USP53: variants seen among roughly 807,000 people sequenced by gnomAD.
USP53 encodes the protein ubiquitin carboxyl-terminal hydrolase 53.
A neutral mutation model predicts 94.9 loss-of-function variants in USP53; 71 were observed. The observed-to-expected ratio is 0.75, with a 90% CI of 0.62 to 0.91. USP53 has a LOEUF of 0.91. Ranked by LOEUF, USP53 falls within the 40% of genes least tolerant of loss-of-function variation. The pLI is 0.00. For missense variants in USP53, 1,173 were observed against 1,281.0 expected, an observed-to-expected ratio of 0.92 and a Z score of 1.29; for synonymous variants, 375 against 422.7, an observed-to-expected ratio of 0.89 and a Z score of 1.39.
At chr4:119,286,945 C>A (rs372374356) in intron 17 of USP53, among the ~76,000 whole-genome samples, 1 of 151,902 alleles carries the variant, frequency 6.6e-6, no homozygotes, top group East Asian at 1.9e-4. Context: ...TATATTCCTT[C>A]TAGAGAGACT....
At chr4:119,252,989 T>C (rs1749246854) in intron 7 of USP53, among the ~76,000 whole-genome samples, 1 of 152,150 alleles carries the variant, frequency 6.6e-6, no homozygotes, top group South Asian at 2.1e-4. Context: ...ATTTTGTTAG[T>C]TACCCAGTAG....
chr4:119,212,631 G>C (rs879581341), upstream of USP53: 12 of 378,894 alleles, frequency 3.2e-5, 1 homozygote, highest in South Asian at 2.3e-4. Flanking sequence ...TGGCCTGACT[G>C]GTCCCTGGGT....
chr4:119,217,388 C>A (rs1195319386), intron 2 of USP53, among the ~76,000 whole-genome samples, 162 bp from the exon 3 acceptor site: 1 of 152,104 alleles, frequency 6.6e-6, no homozygotes, highest in Non-Finnish European at 1.5e-5. Flanking sequence ...GACCTACCTG[C>A]CAGATGGTAG....
rs371217915 is a variant in USP53, at chr4:119,233,777, A to G, written c.-664-1513A>G. On this transcript the variant is annotated intron_variant, in intron 3 of 18. Coordinates refer to ENST00000692078, the MANE Select transcript of USP53 (RefSeq NM_001371395.1). Reference sequence around the variant, plus strand: ...TTGTTGCCTTTCTTTCATTGTGCTCATACTCTCCAAGTGTCTGGTTATATT... The same window carrying G: ...TTGTTGCCTTTCTTTCATTGTGCTCGTACTCTCCAAGTGTCTGGTTATATT... Among the ~76,000 whole-genome samples, 29 of 152,208 alleles carry G rather than the reference A, an allele frequency of 1.9e-4. No individual in the cohort carries two copies. In the East Asian group the frequency reaches 5.2e-3, roughly 27 times the overall value.
intron 17 of USP53, among the ~76,000 whole-genome samples, chr4:119,275,518 A>T (rs1427624925): frequency 1.4e-5 from 2 of 144,574 alleles, no homozygotes; most frequent in African/African-American, 5.1e-5. Flanking sequence ...GTATAGTTTG[A>T]AGTCAGGTAG....
At chr4:119,281,942 G>C (rs1753556438) in intron 17 of USP53, among the ~76,000 whole-genome samples, 1 of 151,988 alleles carries the variant, frequency 6.6e-6, no homozygotes, top group South Asian at 2.1e-4. Context: ...TTCTCAAACT[G>C]AAGTTCTCTA....
chr4:119,235,838 T>C (rs771492305), intron 4 of USP53, among the ~76,000 whole-genome samples: 8 of 152,174 alleles, frequency 5.3e-5, no homozygotes, highest in Non-Finnish European at 1.0e-4. Context: ...AATGAGACCA[T>C]CGTTCATTAT....
chr4:119,249,856 G>A (rs985866532), intron 7 of USP53, among the ~76,000 whole-genome samples: 1 of 151,850 alleles, frequency 6.6e-6, no homozygotes, highest in Non-Finnish European at 1.5e-5. Flanking sequence ...AGTGGAGACA[G>A]GGTTTCACTG....
chr4:119,292,687 A>G lies in USP53; in HGVS notation c.2698A>G (p.Ile900Val). The change falls in exon 19 of 19, where the codon ATA becomes GTA. Residue 900 changes from isoleucine (I) to valine (V), a missense_variant. Coordinates refer to ENST00000692078, the MANE Select transcript of USP53 (RefSeq NM_001371395.1). ...YFENSLSTECIIRSASRSDGC... is the reference protein window; with the variant it reads ...YFENSLSTECVIRSASRSDGC... ...TGAGAACTCTCTATCCACAGAATGT[A>G]TAATTCGGTCAGCCAGCAGATCTGA... 3 of 1,614,086 alleles carry G rather than the reference A, an allele frequency of 1.9e-6. No homozygotes were observed. The highest frequency in any genetic ancestry group is 2.2e-5 in the East Asian group (1 of 44,876).
At chr4:119,256,411 T>C (rs1330421308) in intron 8 of USP53, 30 bp from the exon 9 acceptor site, 10 of 1,613,308 alleles carry the variant, frequency 6.2e-6, no homozygotes, top group African/African-American at 1.3e-5. Context: ...TTATGATTGA[T>C]AGATTAAACA....
intron 14 of USP53, 33 bp downstream of exon 14, chr4:119,268,453 C>G (rs765371100): frequency 4.7e-5 from 73 of 1,562,084 alleles, no homozygotes; most frequent in Non-Finnish European, 5.5e-5. Flanking sequence ...TTACATAGTT[C>G]CAAGTGAGTG....
chr4:119,239,653 G>A lies in USP53; in HGVS notation c.-107G>A. ...CTTGGAAACTTACATTATTAAAATAGACTGCAGTGGATTTAATTGGACAAT... is the reference window on the plus strand; with the variant it reads ...CTTGGAAACTTACATTATTAAAATAAACTGCAGTGGATTTAATTGGACAAT... On this transcript the variant is annotated 5_prime_UTR_variant, in exon 5 of 19. Transcript: ENST00000692078. The A allele has an allele frequency of 7.9e-7, 1 of 1,266,216 alleles. No individual in the cohort carries two copies. Among genetic ancestry groups the A allele is most frequent in the East Asian group, 2.4e-5 (1 of 40,874 alleles). 78.4% of individuals were successfully genotyped at this position (1,266,216 alleles called of 1,614,324 possible).
At position 119,293,441 on chromosome 4, in the gene USP53, G is replaced by C; in HGVS notation, c.*230G>C. On this transcript the variant is annotated 3_prime_UTR_variant, in exon 19 of 19. Coordinates refer to ENST00000692078, the MANE Select transcript of USP53 (RefSeq NM_001371395.1). Reference sequence around the variant, plus strand: ...TGTTAATCACTATACATATGTATGTGTATATGTGTATACACATATATAATT... The same window carrying C: ...TGTTAATCACTATACATATGTATGTCTATATGTGTATACACATATATAATT... 2.2e-6 allele frequency: 1 copy of C among 444,946 alleles called. No homozygotes were observed. The highest frequency in any genetic ancestry group is 4.0e-6 in the Non-Finnish European group (1 of 252,378). The allele number at this position is 444,946 out of a possible 1,614,324, so 27.6% of individuals were successfully genotyped here. A position where few individuals can be genotyped will look rare whatever the true frequency, so the allele number is the denominator to read the frequency against.
intron 10 of USP53, 110 bp from the exon 11 acceptor site, chr4:119,260,397 C>A (rs1266113348): frequency 2.8e-5 from 24 of 846,012 alleles, no homozygotes; most frequent in Non-Finnish European, 4.0e-5. Flanking sequence ...TTTTAGTATA[C>A]TGAATAAATT....
chr4:119,236,535 G>A (rs542331796), intron 4 of USP53, among the ~76,000 whole-genome samples: 23 of 152,296 alleles, frequency 1.5e-4, no homozygotes, highest in African/African-American at 4.1e-4. Context: ...CAGAACTGGG[G>A]TGGAACCCTG....
At chr4:119,264,690 A>T (rs1198097027) in intron 12 of USP53, among the ~76,000 whole-genome samples, 1 of 152,244 alleles carries the variant, frequency 6.6e-6, no homozygotes, top group Non-Finnish European at 1.5e-5. Context: ...GTTGGTGAGG[A>T]TAGGAACAGC....
intron 3 of USP53, among the ~76,000 whole-genome samples, chr4:119,223,699 T>A (rs142828916): frequency 9.4e-4 from 143 of 152,290 alleles, no homozygotes; most frequent in Non-Finnish European, 1.6e-3. Flanking sequence ...TTAAAACAGG[T>A]CTGATCATCA....
intron 12 of USP53, among the ~76,000 whole-genome samples, chr4:119,266,877 T>A (rs1401800924): frequency 1.3e-5 from 2 of 152,162 alleles, no homozygotes; most frequent in Admixed American, 1.3e-4. Flanking sequence ...TTCTGTAAGT[T>A]TTAGTTTTTG....
At chr4:119,218,779 G>T (rs527336866) in intron 3 of USP53, 1 of 152,154 alleles carries the variant, frequency 6.6e-6, no homozygotes, top group South Asian at 2.1e-4. Context: ...AAGATGAAGA[G>T]TTTTTTTGTA....
Sources: allele counts gnomAD v4.1 joint callset (sites outside exome capture counted in the v4.1 genomes callset), GRCh38; gene constraint gnomAD v4.1.1; transcripts MANE v1.5; gene names NCBI Gene and HGNC (gene_info 2026-07-23, HGNC 2026-07-21).